CNTN5: variants seen among roughly 807,000 people sequenced by gnomAD.
The protein encoded by CNTN5 is contactin-5.
In CNTN5, 77 loss-of-function variants were observed where a neutral mutation model predicts 129.1. The observed-to-expected ratio is 0.60, with a 90% CI of 0.50 to 0.72. The LOEUF is 0.72. CNTN5 is among the 30% of genes least tolerant of loss of function. CNTN5 has a pLI of 0.00. For missense variants in CNTN5, 1,478 were observed against 1,328.8 expected (o/e 1.11, Z -1.75); for synonymous variants, 509 against 465.6 (o/e 1.09, Z -1.20).
chr11:99,740,970 T>A (rs976928293), intron 3 of CNTN5, among the ~76,000 whole-genome samples: 1 of 152,186 alleles, frequency 6.6e-6, no homozygotes, highest in African/African-American at 2.4e-5. Flanking sequence ...TATTTATTTT[T>A]GCCAATTCAA....
At chr11:100,148,706 T>A (rs945465732) in intron 13 of CNTN5, among the ~76,000 whole-genome samples, 4 of 103,570 alleles carry the variant, frequency 3.9e-5, no homozygotes, top group African/African-American at 1.4e-4. Context: ...AAATTACAGG[T>A]CAGATAGATA....
intron 16 of CNTN5, among the ~76,000 whole-genome samples, chr11:100,231,491 G>T (rs956183793): frequency 3.3e-5 from 5 of 152,136 alleles, no homozygotes; most frequent in African/African-American, 1.2e-4. Context: ...ATGCTTGAGT[G>T]GCCCATCAGA....
chr11:100,299,292 A>G lies in CNTN5; in HGVS notation c.2516A>G (p.Glu839Gly). 6.2e-7 allele frequency: 1 copy of G among 1,610,844 alleles called. No homozygotes were observed. Among genetic ancestry groups the G allele is most frequent in the South Asian group, 1.1e-5 (1 of 91,014 alleles). ...GCTTCCAAATTCATTTATCGAGATG[A>G]AAGTGTCCCTCCTCTTACTCCCTTT... ...SEASKFIYRD[E>G]SVPPLTPFEV... Residue 839 changes from glutamate to glycine, a missense_variant, in exon 20 of 25, where the codon GAA (glutamate) becomes GGA (glycine). Transcript: ENST00000524871.
intron 21 of CNTN5, among the ~76,000 whole-genome samples, chr11:100,320,087 C>A (rs913275686): frequency 6.6e-6 from 1 of 152,062 alleles, no homozygotes; most frequent in African/African-American, 2.4e-5. Context: ...AGTGAGATTG[C>A]CAGATTATAT....
At chr11:99,992,053 A>G (rs888597) in intron 8 of CNTN5, among the ~76,000 whole-genome samples, 57,695 of 152,072 alleles carry the variant, frequency 0.38, 12,409 homozygotes, top group African/African-American at 0.59. Context: ...TTAGAAGACA[A>G]GAAACAGATA....
At chr11:99,439,160 A>G (rs1252338162) in intron 2 of CNTN5, among the ~76,000 whole-genome samples, 1 of 152,172 alleles carries the variant, frequency 6.6e-6, no homozygotes, top group Non-Finnish European at 1.5e-5. Context: ...AAAAGGCCAA[A>G]GGCAAAAACA....
chr11:99,752,585 T>C (rs1555098777), intron 3 of CNTN5, among the ~76,000 whole-genome samples: 1 of 152,196 alleles, frequency 6.6e-6, no homozygotes, highest in Non-Finnish European at 1.5e-5. Context: ...GTTCTTGACT[T>C]ACTAACTATA....
chr11:99,168,614 T>C (rs184912751), intron 1 of CNTN5, among the ~76,000 whole-genome samples: 1 of 75,836 alleles, frequency 1.3e-5, no homozygotes, highest in African/African-American at 4.0e-5. Flanking sequence ...GGATAGGAAA[T>C]GTACAAGTTA....
At chr11:99,955,766 A>AT (rs979437580) in intron 7 of CNTN5, among the ~76,000 whole-genome samples, 22 of 151,898 alleles carry the variant, frequency 1.4e-4, no homozygotes, top group Admixed American at 3.3e-4. Flanking sequence ...GGGTTTCACC[A>AT]TGTTAGCCAG....
chr11:99,458,257 CAAAT>C (rs1219603891), intron 2 of CNTN5, among the ~76,000 whole-genome samples: 1 of 151,754 alleles, frequency 6.6e-6, no homozygotes, highest in Non-Finnish European at 1.5e-5. Flanking sequence ...ATTATTTACA[CAAAT>C]AAGTAAGTGA....
intron 2 of CNTN5, among the ~76,000 whole-genome samples, chr11:99,464,694 T>G (rs908035810): frequency 3.9e-5 from 6 of 152,192 alleles, no homozygotes; most frequent in Admixed American, 2.0e-4. Flanking sequence ...TTGGTTGAAG[T>G]TGAAACTGTA....
chr11:99,768,922 C>T (rs1944850666), intron 3 of CNTN5, among the ~76,000 whole-genome samples: 1 of 152,090 alleles, frequency 6.6e-6, no homozygotes, highest in African/African-American at 2.4e-5. Flanking sequence ...ATGATCCTTG[C>T]CTGAGTCAAT....
chr11:100,273,747 G>T (rs145555760), intron 18 of CNTN5, among the ~76,000 whole-genome samples: 1 of 152,184 alleles, frequency 6.6e-6, no homozygotes, highest in Non-Finnish European at 1.5e-5. Context: ...CCAGGAACCC[G>T]CTAGCACTCA....
intron 13 of CNTN5, among the ~76,000 whole-genome samples, chr11:100,100,147 A>T (rs534170914): frequency 6.6e-6 from 1 of 152,260 alleles, no homozygotes. Flanking sequence ...AAGCTAAATG[A>T]TTAGTTTCAA....
intron 3 of CNTN5, among the ~76,000 whole-genome samples, chr11:99,720,651 A>G (rs1417497055): frequency 6.6e-6 from 1 of 152,138 alleles, no homozygotes; most frequent in East Asian, 1.9e-4. Context: ...CATCCTAGAC[A>G]GATCAATCAG....
chr11:100,326,006 C>T (rs186227238), intron 21 of CNTN5, among the ~76,000 whole-genome samples: 10 of 152,026 alleles, frequency 6.6e-5, no homozygotes, highest in South Asian at 2.1e-4. Flanking sequence ...ATGAGATAAA[C>T]GAGAATAGTT....
chr11:100,014,775 T>G (rs909180578), intron 9 of CNTN5, among the ~76,000 whole-genome samples: 1 of 152,076 alleles, frequency 6.6e-6, no homozygotes, highest in Admixed American at 6.6e-5. Context: ...GATGTTATTT[T>G]GGACTTTTTA....
rs537252996 is a variant in CNTN5, at chr11:99,956,751, G to C, written c.674-55G>C. The C allele has an allele frequency of 6.1e-6, 8 of 1,319,592 alleles. No individual in the cohort carries two copies. The Admixed American group carries it at 1.4e-4, about 23-fold the overall frequency. 81.7% of individuals were successfully genotyped at this position (1,319,592 alleles called of 1,614,324 possible). A position where few individuals can be genotyped will look rare whatever the true frequency, so the allele number is the denominator to read the frequency against. On this transcript the variant is annotated intron_variant, in intron 7 of 24. Coordinates refer to ENST00000524871, the MANE Select transcript of CNTN5 (RefSeq NM_014361.4). ...CTAAAGGCTTTGTTGTTTGAGCTTT[G>C]TCTGTTAATGAAAAAATCAAAGTCT...
rs1284373990 is a variant in CNTN5 at position 100,008,196 on chromosome 11, GA to G, written c.980+6062del. On this transcript the variant is annotated intron_variant, in intron 9 of 24. Coordinates refer to ENST00000524871, the MANE Select transcript of CNTN5 (RefSeq NM_014361.4). ...ATAATAAAAAATTGAGATGCTCCAAGAATTTCCAAAATGGGACACAGTGATA... is the reference window on the plus strand; with the variant it reads ...ATAATAAAAAATTGAGATGCTCCAAGATTTCCAAAATGGGACACAGTGATA... Among the ~76,000 whole-genome samples the G allele has an allele frequency of 5.9e-5, 9 of 151,982 alleles. No homozygotes were observed. The East Asian group carries it at 1.7e-3, about 29-fold the overall frequency.
Sources: allele counts gnomAD v4.1 joint callset (sites outside exome capture counted in the v4.1 genomes callset), GRCh38; gene constraint gnomAD v4.1.1; transcripts MANE v1.5; gene names NCBI Gene and HGNC (gene_info 2026-07-23, HGNC 2026-07-21).